Variants in DZIP3 observed in about 807,000 individuals in gnomAD.
DZIP3 encodes the protein DAZ interacting zinc finger protein 3.
A neutral mutation model predicts 162.0 loss-of-function variants in DZIP3; 118 were observed. That is an observed-to-expected ratio of 0.73 (90% CI 0.63 to 0.85). The LOEUF is 0.85. Ranked by LOEUF, DZIP3 falls within the 40% of genes least tolerant of loss-of-function variation. The probability of loss-of-function intolerance (pLI) is 0.00; values close to 1 mark genes in which losing one functional copy is unlikely to be tolerated. For missense variants in DZIP3, 1,331 were observed against 1,407.0 expected (o/e 0.95, Z 0.86); for synonymous variants, 438 against 458.6 (o/e 0.96, Z 0.57).
intron 22 of DZIP3, 129 bp from the exon 23 acceptor site, chr3:108,672,431 A>G (rs1943955938): frequency 2.8e-6 from 2 of 719,274 alleles, no homozygotes; most frequent in South Asian, 1.9e-5. Flanking sequence ...TCTTGTTTCT[A>G]TGTGCTCTAT....
Position 108,680,396 on chromosome 3 carries a change from CAA to C in DZIP3, c.2883+2800_2883+2801del, listed in dbSNP as rs573068473. On this transcript the variant is annotated intron_variant, in intron 26 of 32. Transcript: ENST00000361582. ...AAATGATCTTATATATAGAAAATCG[CAA>C]AGACTCCACTTAAAAACTCCTAAAA... Among the ~76,000 whole-genome samples the C allele has an allele frequency of 3.4e-3, 519 of 152,166 alleles. 2 individuals carry two copies. The highest frequency in any genetic ancestry group is 8.5e-3 in the African/African-American group (355 of 41,530).
At chr3:108,611,149 A>G in intron 3 of DZIP3, 25 bp from the exon 4 acceptor site, 1 of 1,551,992 alleles carries the variant, frequency 6.4e-7, no homozygotes, top group African/African-American at 1.4e-5. Context: ...AACTGTGTAA[A>G]TTTTTAATCA....
chr3:108,636,402 G>T (rs1438880732), intron 10 of DZIP3, among the ~76,000 whole-genome samples: 2 of 151,910 alleles, frequency 1.3e-5, no homozygotes, highest in African/African-American at 2.4e-5. Context: ...ACAGCTACTT[G>T]AAGATTTTGA....
intron 19 of DZIP3, 101 bp downstream of exon 19, chr3:108,654,411 T>A (rs1199512126): frequency 1.5e-6 from 2 of 1,294,840 alleles, no homozygotes; most frequent in Non-Finnish European, 2.2e-6. Context: ...CAGTGGTTTA[T>A]ACTGTTTGTG....
intron 21 of DZIP3, among the ~76,000 whole-genome samples, chr3:108,663,913 A>G (rs1377843): frequency 0.12 from 17,663 of 152,294 alleles, 1,245 homozygotes; most frequent in South Asian, 0.27. Context: ...GACATTCATT[A>G]TGATCTAATG....
intron 27 of DZIP3, 47 bp downstream of exon 27, chr3:108,684,388 C>T (rs370714690): frequency 2.0e-5 from 31 of 1,580,468 alleles, no homozygotes; most frequent in Non-Finnish European, 2.7e-5. Flanking sequence ...TTTTTTATTA[C>T]TCTAGTGGGC....
At chr3:108,620,775 G>C (rs1312745734) in intron 5 of DZIP3, among the ~76,000 whole-genome samples, 1 of 152,092 alleles carries the variant, frequency 6.6e-6, no homozygotes, top group Non-Finnish European at 1.5e-5. Context: ...AATCCATGTG[G>C]GAGAGTAAAG....
chr3:108,658,821 C>A (rs1436471077), intron 19 of DZIP3, among the ~76,000 whole-genome samples: 1 of 152,120 alleles, frequency 6.6e-6, no homozygotes, highest in Non-Finnish European at 1.5e-5. Flanking sequence ...CACCACCAAT[C>A]CCACAGAAAT....
At chr3:108,658,031 A>C (rs1484115201) in intron 19 of DZIP3, among the ~76,000 whole-genome samples, 1 of 130,266 alleles carries the variant, frequency 7.7e-6, no homozygotes, top group African/African-American at 2.5e-5. Context: ...ACTCCCACAC[A>C]ATAATCATGG....
At chr3:108,608,358 A>G (rs1940499211) in intron 3 of DZIP3, among the ~76,000 whole-genome samples, 200 bp downstream of exon 3, 1 of 152,166 alleles carries the variant, frequency 6.6e-6, no homozygotes, top group Non-Finnish European at 1.5e-5. Context: ...GTCATTCTAA[A>G]TACCATTCCT....
At chr3:108,662,538 C>A (rs542680364) in intron 21 of DZIP3, among the ~76,000 whole-genome samples, 1 of 152,168 alleles carries the variant, frequency 6.6e-6, no homozygotes, top group African/African-American at 2.4e-5. Context: ...CAGGTCATGA[C>A]TCTAATTTGT....
chr3:108,600,718 T>G (rs1206890316), intron 1 of DZIP3, among the ~76,000 whole-genome samples: 1 of 152,174 alleles, frequency 6.6e-6, no homozygotes, highest in African/African-American at 2.4e-5. Context: ...ACTTATATAG[T>G]GCTTACTACG....
intron 24 of DZIP3, among the ~76,000 whole-genome samples, chr3:108,674,986 G>A (rs1944052376): frequency 6.6e-6 from 1 of 151,814 alleles, no homozygotes. Flanking sequence ...GTCTATTTTT[G>A]CTTGCTAGAA....
Position 108,693,383 on chromosome 3 carries a change from T to C in DZIP3, c.*30T>C, listed in dbSNP as rs572975857. ...AGGTACCCATGAAGAGATTATGAAC[T>C]ACTTGAAGGTGGAGACTGTACGGTG... is the stretch of plus-strand genomic sequence containing the variant. On this transcript the variant is annotated 3_prime_UTR_variant, in exon 33 of 33. Coordinates refer to ENST00000361582, the MANE Select transcript of DZIP3 (RefSeq NM_014648.4). The C allele has an allele frequency of 3.3e-5, 5 of 152,196 alleles. No individual in the cohort carries two copies. The South Asian group carries it at 1.0e-3, about 32-fold the overall frequency. The allele number at this position is 152,196 out of a possible 1,614,324, so 9.4% of individuals were successfully genotyped here.
chr3:108,680,665 T>C (rs1011564601), intron 26 of DZIP3, among the ~76,000 whole-genome samples: 3 of 152,052 alleles, frequency 2.0e-5, no homozygotes, highest in Non-Finnish European at 4.4e-5. Flanking sequence ...TACATCATAT[T>C]CATGGATAAG....
intron 1 of DZIP3, among the ~76,000 whole-genome samples, chr3:108,593,603 T>C (rs1052056588): frequency 2.6e-5 from 4 of 152,136 alleles, no homozygotes; most frequent in African/African-American, 9.7e-5. Context: ...CACAGCTGTC[T>C]TGTAAAATCA....
At chr3:108,621,892 G>A (rs1467213980) in intron 5 of DZIP3, among the ~76,000 whole-genome samples, 1 of 151,906 alleles carries the variant, frequency 6.6e-6, no homozygotes, top group African/African-American at 2.4e-5. Context: ...ACGAAAATAT[G>A]GTACATATAC....
intron 1 of DZIP3, among the ~76,000 whole-genome samples, chr3:108,591,261 G>T (rs75434792): frequency 6.6e-6 from 1 of 152,204 alleles, no homozygotes; most frequent in African/African-American, 2.4e-5. Flanking sequence ...GTAGAGATGA[G>T]GTCCTATACG....
At chr3:108,657,952 T>C (rs918016226) in intron 19 of DZIP3, among the ~76,000 whole-genome samples, 8 of 152,178 alleles carry the variant, frequency 5.3e-5, no homozygotes, top group African/African-American at 1.7e-4. Context: ...ATCCTAAATA[T>C]ATATGCACCC....
Sources: allele counts gnomAD v4.1 joint callset (sites outside exome capture counted in the v4.1 genomes callset), GRCh38; gene constraint gnomAD v4.1.1; transcripts MANE v1.5; gene names NCBI Gene and HGNC (gene_info 2026-07-23, HGNC 2026-07-21).